GRIN2B: variants seen among roughly 807,000 people sequenced by gnomAD.
GRIN2B encodes the protein glutamate ionotropic receptor NMDA type subunit 2B.
A neutral mutation model predicts 114.5 loss-of-function variants in GRIN2B; 5 were observed. The ratio of observed to expected loss-of-function variants is 0.04; its 90% CI spans 0.02 to 0.09. GRIN2B has a LOEUF of 0.09. Ranked by LOEUF, GRIN2B falls within the 10% of genes least tolerant of loss-of-function variation. The pLI, the probability that GRIN2B is intolerant of heterozygous loss-of-function variation, is 1.00. For missense variants in GRIN2B, 1,108 were observed against 1,943.5 expected, an observed-to-expected ratio of 0.57 and a Z score of 8.08; for synonymous variants, 787 against 745.1, an observed-to-expected ratio of 1.06 and a Z score of -0.92.
chr12:13,788,975 G>T (rs895010814), intron 3 of GRIN2B, among the ~76,000 whole-genome samples: 8 of 152,140 alleles, frequency 5.3e-5, no homozygotes, highest in African/African-American at 1.7e-4. Context: ...CACTTAATTT[G>T]CTGACCATCC....
intron 2 of GRIN2B, among the ~76,000 whole-genome samples, chr12:13,947,043 G>T (rs1867373942): frequency 6.6e-6 from 1 of 152,180 alleles, no homozygotes; most frequent in Non-Finnish European, 1.5e-5. Flanking sequence ...ACTTTCTCTA[G>T]CAGATGGATT....
At chr12:13,724,319 G>A (rs538044420) in intron 4 of GRIN2B, among the ~76,000 whole-genome samples, 23 of 152,096 alleles carry the variant, frequency 1.5e-4, no homozygotes, top group Non-Finnish European at 2.1e-4. Flanking sequence ...GGAAAGGCCC[G>A]GCCAATTACA....
intron 3 of GRIN2B, among the ~76,000 whole-genome samples, chr12:13,776,585 G>A (rs141603607): frequency 2.2e-3 from 340 of 152,138 alleles, no homozygotes; most frequent in African/African-American, 7.7e-3. Context: ...AATCTTACAC[G>A]ACAGCACACA....
intron 4 of GRIN2B, among the ~76,000 whole-genome samples, chr12:13,727,940 T>A (rs1167052588): frequency 2.0e-5 from 3 of 152,226 alleles, no homozygotes; most frequent in African/African-American, 4.8e-5. Context: ...TGGGCATGGA[T>A]AGCATGCATC....
intron 2 of GRIN2B, among the ~76,000 whole-genome samples, chr12:13,977,179 C>A (rs1164908899): frequency 6.6e-6 from 1 of 152,180 alleles, no homozygotes; most frequent in Non-Finnish European, 1.5e-5. Context: ...TGTCATTTCA[C>A]CTTCTTATTG....
rs1430918033 is a variant in GRIN2B, at chr12:13,538,575, G to A, written c.*24208C>T. On this transcript the variant is annotated 3_prime_UTR_variant, in exon 14 of 14. Transcript: ENST00000609686. ...CACACCTGTAATCCTAGCATCATAG[G>A]AAGCCGAGGCAGGCAGATCACTTGA... 1 of 152,110 alleles carries A rather than the reference G, an allele frequency of 6.6e-6. No homozygotes were observed. The highest frequency in any genetic ancestry group is 2.4e-5 in the African/African-American group (1 of 41,426). 9.4% of individuals were successfully genotyped at this position (152,110 alleles called of 1,614,324 possible). A position where few individuals can be genotyped will look rare whatever the true frequency, so the allele number is the denominator to read the frequency against.
At chr12:13,578,433 C>T (rs1214770761) in intron 10 of GRIN2B, among the ~76,000 whole-genome samples, 5 of 152,142 alleles carry the variant, frequency 3.3e-5, no homozygotes, top group South Asian at 2.1e-4. Context: ...GCCACCATGC[C>T]GGAGATTCCA....
intron 3 of GRIN2B, among the ~76,000 whole-genome samples, chr12:13,816,971 TC>T (rs1381659796): frequency 1.3e-5 from 2 of 152,196 alleles, no homozygotes; most frequent in African/African-American, 4.8e-5. Flanking sequence ...TGCATTGGGT[TC>T]TTTTATTTTC....
intron 3 of GRIN2B, among the ~76,000 whole-genome samples, chr12:13,800,198 C>T (rs538994829): frequency 3.9e-5 from 6 of 152,292 alleles, no homozygotes; most frequent in Admixed American, 3.9e-4. Flanking sequence ...GACTAACCTA[C>T]AGCTGTGCTC....
intron 2 of GRIN2B, among the ~76,000 whole-genome samples, chr12:13,961,664 AAATC>A (rs1298940517): frequency 7.2e-5 from 11 of 152,226 alleles, no homozygotes; most frequent in Admixed American, 6.5e-5. Flanking sequence ...TTACAATGAA[AAATC>A]TAAGAGTAGT....
intron 2 of GRIN2B, among the ~76,000 whole-genome samples, chr12:13,886,388 G>C (rs770464276): frequency 3.3e-5 from 5 of 152,160 alleles, no homozygotes; most frequent in Non-Finnish European, 7.3e-5. Context: ...CTGGGTGCTT[G>C]ACCAAGCTCA....
At chr12:13,954,811 G>GAAAAAAAAAAAAAAAAAAAGAAAAAAAA (rs61525874) in intron 2 of GRIN2B, among the ~76,000 whole-genome samples, 1 of 25,552 alleles carries the variant, frequency 3.9e-5, no homozygotes, top group African/African-American at 1.1e-4. Context: ...TCCGTCTCAG[G>GAAAAAAAAAAAAAAAAAAAGAAAAAAAA]AAAAAAAAAA....
intron 3 of GRIN2B, among the ~76,000 whole-genome samples, chr12:13,786,706 T>C (rs1004857242): frequency 1.6e-4 from 25 of 152,062 alleles, no homozygotes; most frequent in African/African-American, 6.0e-4. Context: ...AAATCCCTGA[T>C]TGAATTGAAA....
intron 2 of GRIN2B, among the ~76,000 whole-genome samples, chr12:13,883,589 T>C (rs1866101482): frequency 6.6e-6 from 1 of 152,166 alleles, no homozygotes; most frequent in Admixed American, 6.5e-5. Context: ...ATTTACCATC[T>C]TATCTCTTCT....
chr12:13,961,110 A>G (rs975885565), intron 2 of GRIN2B, among the ~76,000 whole-genome samples: 2 of 151,588 alleles, frequency 1.3e-5, no homozygotes, highest in Non-Finnish European at 2.9e-5. Context: ...TGCCCTTAGT[A>G]GTGTGAGTGA....
At chr12:13,618,757 G>A (rs1949478377) in intron 5 of GRIN2B, among the ~76,000 whole-genome samples, 1 of 152,132 alleles carries the variant, frequency 6.6e-6, no homozygotes, top group African/African-American at 2.4e-5. Context: ...TGAATCCTTA[G>A]TTCAACTTGG....
chr12:13,635,260 G>C (rs1290118096), intron 5 of GRIN2B, among the ~76,000 whole-genome samples: 1 of 152,202 alleles, frequency 6.6e-6, no homozygotes, highest in African/African-American at 2.4e-5. Flanking sequence ...CTGAGAAGGG[G>C]AGATGGTGAA....
At chr12:13,959,028 T>A (rs1008431987) in intron 2 of GRIN2B, among the ~76,000 whole-genome samples, 2 of 152,138 alleles carry the variant, frequency 1.3e-5, no homozygotes, top group African/African-American at 4.8e-5. Context: ...TACTAAGGGA[T>A]TCTTCATACA....
At chr12:13,930,925 A>G (rs219885) in intron 2 of GRIN2B, among the ~76,000 whole-genome samples, 120,086 of 152,094 alleles carry the variant, frequency 0.79, 47,884 homozygotes, top group Non-Finnish European at 0.86. Flanking sequence ...AGATGATAAT[A>G]TCAATCAGAA....
Sources: allele counts gnomAD v4.1 joint callset (sites outside exome capture counted in the v4.1 genomes callset), GRCh38; gene constraint gnomAD v4.1.1; transcripts MANE v1.5; gene names NCBI Gene and HGNC (gene_info 2026-07-23, HGNC 2026-07-21).